TEX264: variants seen among roughly 807,000 people sequenced by gnomAD.
TEX264 encodes testis expressed 264, ER-phagy receptor, also known as testis-expressed protein 264.
TEX264 carries 13 observed loss-of-function variants against 23.4 expected under a neutral mutation model. The ratio of observed to expected loss-of-function variants is 0.56; its 90% CI spans 0.36 to 0.88. The LOEUF is 0.88. Ranked by LOEUF, TEX264 falls within the 40% of genes least tolerant of loss-of-function variation. The pLI, the probability that TEX264 is intolerant of heterozygous loss-of-function variation, is 0.01. For missense variants in TEX264, 340 were observed against 406.8 expected (o/e 0.84, Z 1.41); for synonymous variants, 159 against 170.0 (o/e 0.94, Z 0.50).
intron 3 of TEX264, among the ~76,000 whole-genome samples, chr3:51,698,863 G>A (rs1264022553): frequency 6.6e-6 from 1 of 152,210 alleles, no homozygotes; most frequent in Non-Finnish European, 1.5e-5. Context: ...TCCTTGTTCA[G>A]GGTCTATAGT....
intron 4 of TEX264, among the ~76,000 whole-genome samples, chr3:51,701,290 G>T (rs1194997006): frequency 1.3e-5 from 2 of 150,792 alleles, no homozygotes; most frequent in Non-Finnish European, 3.0e-5. Flanking sequence ...CTTGGTGGGG[G>T]TATAGGGATG....
Position 51,699,420 on chromosome 3 carries a change from T to G in TEX264, c.495T>G (p.Cys165Trp), listed in dbSNP as rs1173041240. ...LDTYIKERKL[C>W]AYPRLEIYQE... ...TCTCTGACTAGGAGCGGAAGCTGTG[T>G]GCCTATCCTCGGCTGGAGATCTACC... Residue 165 changes from cysteine (C) to tryptophan (W), a missense_variant, in exon 4 of 5, where the codon TGT (cysteine) becomes TGG (tryptophan). Cys to Trp is a radical substitution (Grantham distance 215). Coordinates refer to ENST00000341333, the MANE Select transcript of TEX264 (RefSeq NM_015926.6). 6.2e-7 allele frequency: 1 copy of G among 1,614,000 alleles called. No individual in the cohort carries two copies.
In TEX264 at chr3:51,684,582, C is replaced by G; in HGVS notation, c.428C>G (p.Ser143Cys). Residue 143 changes from serine to cysteine, a missense_variant, in exon 3 of 5, where the codon TCC becomes TGC. Ser to Cys is a moderately radical substitution (Grantham distance 112, BLOSUM62 -1). Coordinates refer to ENST00000341333, the MANE Select transcript of TEX264 (RefSeq NM_015926.6). ...TATFPYTTIL[S>C]IWLATRRVHP... ...ACCTTCCCCTACACCACCATTCTGT[C>G]CATCTGGCTGGCTACCCGCCGTGTC... 6.2e-7 allele frequency: 1 copy of G among 1,614,246 alleles called. No homozygotes were observed.
At chr3:51,701,636 T>TG (rs1305199109) in intron 4 of TEX264, among the ~76,000 whole-genome samples, 1 of 151,922 alleles carries the variant, frequency 6.6e-6, no homozygotes, top group Non-Finnish European at 1.5e-5. Flanking sequence ...TCCTTTTTTT[T>TG]GTTTGTTTGT....
At chr3:51,692,611 G>A (rs766464446) in intron 3 of TEX264, among the ~76,000 whole-genome samples, 2 of 152,200 alleles carry the variant, frequency 1.3e-5, no homozygotes, top group African/African-American at 2.4e-5. Context: ...CCATCTGTAC[G>A]AGCAGCCTTC....
At chr3:51,688,211 C>T (rs1187814052) in intron 3 of TEX264, among the ~76,000 whole-genome samples, 3 of 152,192 alleles carry the variant, frequency 2.0e-5, no homozygotes, top group Non-Finnish European at 4.4e-5. Flanking sequence ...CTGGAAGCTG[C>T]AGGATGGAAC....
At chr3:51,678,118 A>G (rs908010647) in intron 2 of TEX264, among the ~76,000 whole-genome samples, 13 of 152,166 alleles carry the variant, frequency 8.5e-5, no homozygotes, top group Non-Finnish European at 1.2e-4. Flanking sequence ...CTGCCCTTGC[A>G]TGACTGGGGA....
chr3:51,688,820 C>T (rs1228637316), intron 3 of TEX264, among the ~76,000 whole-genome samples: 3 of 152,156 alleles, frequency 2.0e-5, no homozygotes, highest in Admixed American at 6.5e-5. Flanking sequence ...CTGGGACTGT[C>T]TTACCAGGGG....
At chr3:51,687,202 G>A (rs777918332) in intron 3 of TEX264, among the ~76,000 whole-genome samples, 2 of 152,214 alleles carry the variant, frequency 1.3e-5, no homozygotes, top group African/African-American at 4.8e-5. Flanking sequence ...GATAGAGGCC[G>A]GCTGCCCACA....
chr3:51,679,780 A>G (rs1331335682), intron 2 of TEX264, among the ~76,000 whole-genome samples: 1 of 152,154 alleles, frequency 6.6e-6, no homozygotes, highest in African/African-American at 2.4e-5. Context: ...AAAGGTTTCT[A>G]AGTAAACTCA....
Position 51,674,379 on chromosome 3 carries a change from C to T in TEX264, c.75C>T (p.Ala25=), listed in dbSNP as rs200465051. 1.1e-5 allele frequency: 18 copies of T among 1,614,226 alleles called. No homozygotes were observed. The highest frequency in any genetic ancestry group is 1.3e-5 in the African/African-American group (1 of 75,040). Residue 25 remains alanine, a synonymous_variant, in exon 2 of 5, where the codon GCC becomes GCT. Coordinates refer to ENST00000341333, the MANE Select transcript of TEX264 (RefSeq NM_015926.6). ...LLLLLTLLAF[A]GYSGLLAGVE... is the part of the protein sequence containing the mutation. ...TGCTGCTGACGCTGCTGGCCTTTGCCGGGTACTCAGGGCTACTGGCTGGGG... is the reference window on the plus strand; with the variant it reads ...TGCTGCTGACGCTGCTGGCCTTTGCTGGGTACTCAGGGCTACTGGCTGGGG...
At position 51,704,275 on chromosome 3, in the gene TEX264, A is replaced by G; in HGVS notation, c.*259A>G. 1 of 355,562 alleles carries G rather than the reference A, an allele frequency of 2.8e-6. No individual in the cohort carries two copies. The highest frequency in any genetic ancestry group is 5.0e-6 in the Non-Finnish European group (1 of 198,446). 22.0% of individuals were successfully genotyped at this position (355,562 alleles called of 1,614,324 possible). On this transcript the variant is annotated 3_prime_UTR_variant, in exon 5 of 5. Transcript: ENST00000341333. ...TGTCTTTTTTTCAGACTCACAGTGGAGCTTCCAGGACCCAGAATAAAGCCA... is the reference window on the plus strand; with the variant it reads ...TGTCTTTTTTTCAGACTCACAGTGGGGCTTCCAGGACCCAGAATAAAGCCA...
chr3:51,676,653 C>T (rs1404934713), intron 2 of TEX264, among the ~76,000 whole-genome samples: 1 of 152,178 alleles, frequency 6.6e-6, no homozygotes, highest in African/African-American at 2.4e-5. Context: ...TCCTTGTCTG[C>T]AGAGTAATGA....
chr3:51,696,421 T>C (rs1355346466), intron 3 of TEX264, among the ~76,000 whole-genome samples: 1 of 152,156 alleles, frequency 6.6e-6, no homozygotes, highest in East Asian at 1.9e-4. Flanking sequence ...GATTTTCCAA[T>C]ATTTACTGGC....
At chr3:51,698,657 C>T (rs1013121688) in intron 3 of TEX264, among the ~76,000 whole-genome samples, 2 of 152,274 alleles carry the variant, frequency 1.3e-5, no homozygotes, top group African/African-American at 4.8e-5. Context: ...CATCAGCCCA[C>T]TGGGTAATGT....
At chr3:51,682,154 A>T (rs1414936060) in intron 2 of TEX264, 2 of 152,234 alleles carry the variant, frequency 1.3e-5, no homozygotes, top group African/African-American at 4.8e-5. Context: ...AGGGTCAGGG[A>T]CATGAAGATA....
intron 3 of TEX264, among the ~76,000 whole-genome samples, chr3:51,690,631 T>A (rs932810269): frequency 6.6e-6 from 1 of 151,804 alleles, no homozygotes; most frequent in Non-Finnish European, 1.5e-5. Flanking sequence ...TCCCTCTTCC[T>A]GCCTGTCACC....
At chr3:51,697,540 C>T (rs1232318709) in intron 3 of TEX264, among the ~76,000 whole-genome samples, 1 of 152,212 alleles carries the variant, frequency 6.6e-6, no homozygotes, top group Non-Finnish European at 1.5e-5. Flanking sequence ...TTGGTGAAGG[C>T]CATGCCCTGA....
chr3:51,685,208 G>A (rs1280152405), intron 3 of TEX264, among the ~76,000 whole-genome samples: 1 of 152,222 alleles, frequency 6.6e-6, no homozygotes, highest in Non-Finnish European at 1.5e-5. Context: ...CTGGTCATCT[G>A]ACGGGTTTCT....
Sources: gnomAD v4.1 joint callset for allele counts (sites outside exome capture counted in the v4.1 genomes callset) on GRCh38, gnomAD v4.1.1 for gene constraint, MANE v1.5 for transcripts, NCBI Gene and HGNC (gene_info 2026-07-23, HGNC 2026-07-21) for gene names.